Variants in PLA2G4A observed in about 807,000 individuals in gnomAD.
PLA2G4A encodes cytosolic phospholipase A2.
In PLA2G4A, 40 loss-of-function variants were observed where a neutral mutation model predicts 81.9. The ratio of observed to expected loss-of-function variants is 0.49; its 90% CI spans 0.38 to 0.64. The LOEUF (loss-of-function observed/expected upper bound fraction) is 0.64, where lower values mean the gene tolerates loss of function less well. Ranked by LOEUF, PLA2G4A falls within the 30% of genes least tolerant of loss-of-function variation. The probability of loss-of-function intolerance (pLI) is 0.00; values close to 1 mark genes in which losing one functional copy is unlikely to be tolerated. For synonymous variants in PLA2G4A, 302 were observed against 296.9 expected, an observed-to-expected ratio of 1.02 and a Z score of -0.18; for missense variants, 715 against 905.1, an observed-to-expected ratio of 0.79 and a Z score of 2.69.
chr1:186,840,472 C>T (rs1571324018), intron 1 of PLA2G4A, among the ~76,000 whole-genome samples: 1 of 152,142 alleles, frequency 6.6e-6, no homozygotes, highest in South Asian at 2.1e-4. Flanking sequence ...CTGTAGAATG[C>T]TGGTCTCGTA....
chr1:186,871,375 T>C (rs1653262026), intron 3 of PLA2G4A, among the ~76,000 whole-genome samples: 1 of 151,758 alleles, frequency 6.6e-6, no homozygotes, highest in Non-Finnish European at 1.5e-5. Flanking sequence ...ATCTTAGATT[T>C]AATAATGTCT....
intron 8 of PLA2G4A, among the ~76,000 whole-genome samples, chr1:186,935,881 T>C (rs984870603): frequency 2.8e-4 from 43 of 151,948 alleles, no homozygotes; most frequent in African/African-American, 1.0e-3. Context: ...CAAAAGAGAA[T>C]TTTAGGTAGG....
chr1:186,972,553 G>C (rs1657394525), intron 15 of PLA2G4A, among the ~76,000 whole-genome samples: 1 of 152,154 alleles, frequency 6.6e-6, no homozygotes, highest in Admixed American at 6.6e-5. Flanking sequence ...CTAACTTTTA[G>C]GGAGAGTGAT....
At chr1:186,829,250 C>T (rs1264022891) in intron 1 of PLA2G4A, among the ~76,000 whole-genome samples, 1 of 152,156 alleles carries the variant, frequency 6.6e-6, no homozygotes, top group Non-Finnish European at 1.5e-5. Flanking sequence ...ATTTGCCTTC[C>T]TGGATCTAAA....
intron 1 of PLA2G4A, among the ~76,000 whole-genome samples, chr1:186,847,610 A>T (rs1652226962): frequency 1.3e-5 from 2 of 152,170 alleles, no homozygotes; most frequent in Admixed American, 1.3e-4. Flanking sequence ...AAGAAAGCAG[A>T]TGGACAAGGA....
At chr1:186,892,503 T>C (rs896647278) in intron 3 of PLA2G4A, among the ~76,000 whole-genome samples, 7 of 152,244 alleles carry the variant, frequency 4.6e-5, no homozygotes, top group African/African-American at 1.7e-4. Context: ...AGCTTCATTC[T>C]TCTGCATATG....
chr1:186,885,075 G>T (rs1653885725), intron 3 of PLA2G4A, among the ~76,000 whole-genome samples: 1 of 152,042 alleles, frequency 6.6e-6, no homozygotes, highest in Non-Finnish European at 1.5e-5. Context: ...GGGGTATAAA[G>T]ACTGGATTTT....
At chr1:186,975,246 A>G (rs1384847537) in intron 15 of PLA2G4A, among the ~76,000 whole-genome samples, 1 of 152,270 alleles carries the variant, frequency 6.6e-6, no homozygotes, top group Non-Finnish European at 1.5e-5. Flanking sequence ...AGTTTCAAAC[A>G]AGAAATTATT....
chr1:186,899,880 C>T (rs1654476139), intron 5 of PLA2G4A, among the ~76,000 whole-genome samples: 1 of 152,148 alleles, frequency 6.6e-6, no homozygotes, highest in African/African-American at 2.4e-5. Flanking sequence ...ACACTTGGCA[C>T]AGCTTTAATG....
intron 10 of PLA2G4A, among the ~76,000 whole-genome samples, chr1:186,943,700 A>C (rs1248890933): frequency 6.6e-6 from 1 of 152,178 alleles, no homozygotes; most frequent in East Asian, 1.9e-4. Flanking sequence ...AAGGGAAGCC[A>C]GAGTTATGTT....
chr1:186,968,453 A>C (rs915477390), intron 15 of PLA2G4A, among the ~76,000 whole-genome samples: 1 of 89,874 alleles, frequency 1.1e-5, no homozygotes, highest in African/African-American at 5.1e-5. Context: ...TACCAGGGTC[A>C]TGTAGTTTTG....
At chr1:186,957,178 T>G (rs2102258909) in intron 14 of PLA2G4A, among the ~76,000 whole-genome samples, 1 of 152,202 alleles carries the variant, frequency 6.6e-6, no homozygotes, top group East Asian at 1.9e-4. Context: ...AAAAAAATAT[T>G]GAGGGAGATG....
intron 7 of PLA2G4A, among the ~76,000 whole-genome samples, chr1:186,923,221 G>T (rs1655426584): frequency 6.6e-6 from 1 of 152,106 alleles, no homozygotes; most frequent in African/African-American, 2.4e-5. Flanking sequence ...ACTTGTGGTT[G>T]TTTATCATGT....
At position 186,920,087 on chromosome 1, in the gene PLA2G4A, C is replaced by T. The variant is rs140060736; in HGVS notation, c.558+8698C>T. ...CCCGGAGGATTATCATTTGCCCATA[C>T]TTGGGCCATTGCTTAGCTAGAGCTG... On this transcript the variant is annotated intron_variant, in intron 7 of 17. Transcript: ENST00000367466. 8.0e-3 allele frequency among the ~76,000 whole-genome samples: 1,220 copies of T among 152,306 alleles called. 11 individuals are homozygous for T. Among genetic ancestry groups the T allele is most frequent in the Non-Finnish European group, 0.012 (796 of 68,036 alleles).
chr1:186,936,133 A>G (rs1004975264), intron 8 of PLA2G4A, among the ~76,000 whole-genome samples: 3 of 151,976 alleles, frequency 2.0e-5, no homozygotes, highest in Non-Finnish European at 4.4e-5. Flanking sequence ...AAGTTTGTAC[A>G]GTATTACCAT....
intron 12 of PLA2G4A, among the ~76,000 whole-genome samples, chr1:186,950,124 C>G (rs745588787): frequency 5.3e-5 from 8 of 152,280 alleles, no homozygotes; most frequent in South Asian, 4.1e-4. Flanking sequence ...TAACTGCTCT[C>G]TTAATATGTT....
rs546156110 is a variant in PLA2G4A at position 186,912,855 on chromosome 1, AAT to A, written c.558+1476_558+1477del. Among the ~76,000 whole-genome samples the A allele has an allele frequency of 1.0e-3, 147 of 146,418 alleles. 1 individual carries two copies. The highest frequency in any genetic ancestry group is 3.4e-3 in the African/African-American group (134 of 39,912). On this transcript the variant is annotated intron_variant, in intron 7 of 17. Coordinates refer to ENST00000367466, the MANE Select transcript of PLA2G4A (RefSeq NM_024420.3). ...TAAGTGTATGTATGTATTTGTATAT[AAT>A]ATATATATAAGGCATACTTACGCAT...
intron 15 of PLA2G4A, among the ~76,000 whole-genome samples, chr1:186,967,666 G>C (rs933643405): frequency 6.6e-6 from 1 of 152,056 alleles, no homozygotes; most frequent in Non-Finnish European, 1.5e-5. Flanking sequence ...AGAATAGATT[G>C]GTGCATACTG....
chr1:186,872,513 C>T (rs1653314083), intron 3 of PLA2G4A, among the ~76,000 whole-genome samples: 1 of 151,948 alleles, frequency 6.6e-6, no homozygotes, highest in Non-Finnish European at 1.5e-5. Flanking sequence ...CAGCAATCCC[C>T]CCACCCCTTT....
Sources: gnomAD v4.1 joint callset for allele counts (sites outside exome capture counted in the v4.1 genomes callset) on GRCh38, gnomAD v4.1.1 for gene constraint, MANE v1.5 for transcripts, NCBI Gene and HGNC (gene_info 2026-07-23, HGNC 2026-07-21) for gene names.